KDM4C: variants seen among roughly 807,000 people sequenced by gnomAD.
KDM4C encodes the protein lysine demethylase 4C, also known as lysine-specific demethylase 4C.
KDM4C carries 81 observed loss-of-function variants against 129.3 expected under a neutral mutation model. That is an observed-to-expected ratio of 0.63 (90% CI 0.52 to 0.75). The LOEUF (loss-of-function observed/expected upper bound fraction) is 0.75. Ranked by LOEUF, KDM4C falls within the 30% of genes least tolerant of loss-of-function variation. The probability of loss-of-function intolerance (pLI) is 0.00; values close to 1 mark genes in which losing one functional copy is unlikely to be tolerated. For missense variants in KDM4C, 1,457 were observed against 1,304.0 expected (o/e 1.12, Z -1.81); for synonymous variants, 573 against 456.1 (o/e 1.26, Z -3.26).
At chr9:7,136,886 G>A (rs1257281215) in intron 19 of KDM4C, among the ~76,000 whole-genome samples, 1 of 152,160 alleles carries the variant, frequency 6.6e-6, no homozygotes, top group African/African-American at 2.4e-5. Context: ...AGTTCATGAA[G>A]TTTCATGTCC....
intron 18 of KDM4C, among the ~76,000 whole-genome samples, chr9:7,110,735 A>G (rs1026747298): frequency 1.3e-5 from 2 of 152,232 alleles, no homozygotes; most frequent in African/African-American, 4.8e-5. Flanking sequence ...CCTATTGAAG[A>G]AGGGATGAAA....
intron 1 of KDM4C, among the ~76,000 whole-genome samples, chr9:6,748,042 G>T (rs186192331): frequency 1.3e-5 from 2 of 152,052 alleles, no homozygotes; most frequent in African/African-American, 4.8e-5. Context: ...GCTGAGTGTG[G>T]TGGCATGCGC....
chr9:6,751,678 A>G (rs763828230), intron 1 of KDM4C, among the ~76,000 whole-genome samples: 1 of 152,166 alleles, frequency 6.6e-6, no homozygotes, highest in Non-Finnish European at 1.5e-5. Flanking sequence ...TGAGATCTCA[A>G]TTATGCATAA....
rs1832779056 is a variant in KDM4C at position 7,068,695 on chromosome 9, T to A, written c.2424+19495T>A. Among the ~76,000 whole-genome samples the A allele has an allele frequency of 1.1e-4, 10 of 88,482 alleles. No individual in the cohort carries two copies. In the Admixed American group the frequency reaches 1.2e-3, roughly 10 times the overall value. 58.0% of individuals were successfully genotyped at this position (88,482 alleles called of 152,430 possible). On this transcript the variant is annotated intron_variant, in intron 17 of 21. Transcript: ENST00000381309. ...GTTTATGATGCCCTTTCTTTTTTTTTTTTTTTTTTTTTTTTTTTGAAACAG... is the reference window on the plus strand; with the variant it reads ...GTTTATGATGCCCTTTCTTTTTTTTATTTTTTTTTTTTTTTTTTGAAACAG...
intron 1 of KDM4C, among the ~76,000 whole-genome samples, chr9:6,722,168 A>G (rs1032968741): frequency 2.6e-5 from 4 of 152,182 alleles, no homozygotes; most frequent in Admixed American, 1.3e-4. Flanking sequence ...TAAGGTCACG[A>G]AGCCTTTTTG....
At chr9:6,768,440 GTCT>G (rs1365468522) in intron 1 of KDM4C, among the ~76,000 whole-genome samples, 3 of 151,278 alleles carry the variant, frequency 2.0e-5, no homozygotes, top group African/African-American at 7.3e-5. Flanking sequence ...ACAAATGGTT[GTCT>G]TCATGCTCCC....
intron 12 of KDM4C, among the ~76,000 whole-genome samples, chr9:7,005,709 A>AGT (rs1176949806): frequency 6.6e-6 from 1 of 152,186 alleles, no homozygotes; most frequent in African/African-American, 2.4e-5. Flanking sequence ...CATGTCCTGA[A>AGT]GTACTAGGTT....
chr9:6,801,579 A>G (rs1440773306), intron 2 of KDM4C, among the ~76,000 whole-genome samples: 1 of 151,342 alleles, frequency 6.6e-6, no homozygotes, highest in Non-Finnish European at 1.5e-5. Context: ...GGCAAGTTAC[A>G]GGATAAGAGA....
At chr9:6,802,724 A>G (rs1829239103) in intron 2 of KDM4C, among the ~76,000 whole-genome samples, 1 of 152,188 alleles carries the variant, frequency 6.6e-6, no homozygotes, top group African/African-American at 2.4e-5. Flanking sequence ...CACCTGCCTC[A>G]GCCTCCGGAG....
At chr9:6,739,271 C>G (rs1223414561) in intron 1 of KDM4C, among the ~76,000 whole-genome samples, 1 of 151,952 alleles carries the variant, frequency 6.6e-6, no homozygotes, top group African/African-American at 2.4e-5. Context: ...TGGGGTTTCA[C>G]CATGTTGGCC....
chr9:6,948,872 A>G (rs1037954247), intron 8 of KDM4C, among the ~76,000 whole-genome samples: 11 of 152,142 alleles, frequency 7.2e-5, no homozygotes, highest in Admixed American at 6.5e-5. Flanking sequence ...GGAGTCTCCT[A>G]TGTCTACTTC....
intron 19 of KDM4C, among the ~76,000 whole-genome samples, chr9:7,145,109 C>T (rs1056099870): frequency 5.3e-5 from 8 of 152,116 alleles, no homozygotes; most frequent in Non-Finnish European, 8.8e-5. Flanking sequence ...GCCTCCTCCT[C>T]GGGTGTTGAT....
intron 1 of KDM4C, among the ~76,000 whole-genome samples, chr9:6,738,385 G>A (rs1817593262): frequency 1.3e-5 from 2 of 152,154 alleles, no homozygotes; most frequent in Admixed American, 6.6e-5. Context: ...TGAGGCAGGA[G>A]AATCGCTTGA....
chr9:7,087,244 T>A (rs1587552715), intron 17 of KDM4C, among the ~76,000 whole-genome samples: 1 of 150,246 alleles, frequency 6.7e-6, no homozygotes, highest in Non-Finnish European at 1.5e-5. Context: ...ACAAAACCCC[T>A]CAAATCCCAT....
intron 4 of KDM4C, among the ~76,000 whole-genome samples, chr9:6,842,312 CTTTTTTTT>C (rs759138371): frequency 7.2e-5 from 7 of 97,874 alleles, no homozygotes; most frequent in Non-Finnish European, 1.4e-4. Context: ...ATCCACATTT[CTTTTTTTT>C]TTTTTTTTTT....
In KDM4C at chr9:7,103,883, C is replaced by T. The variant is rs760758201; in HGVS notation, c.2610+13C>T. On this transcript the variant is annotated intron_variant, in intron 18 of 21. Coordinates refer to ENST00000381309, the MANE Select transcript of KDM4C (RefSeq NM_015061.6). ...CAACCCCAACGTGGTAAGATGTGCC[C>T]TCCCTTCCTCAGTGCTAAGACCGTG... is the stretch of plus-strand genomic sequence containing the variant. The T allele has an allele frequency of 1.9e-6, 3 of 1,612,050 alleles. No homozygotes were observed. Among genetic ancestry groups the T allele is most frequent in the Non-Finnish European group, 1.7e-6 (2 of 1,178,386 alleles).
intron 17 of KDM4C, among the ~76,000 whole-genome samples, chr9:7,101,348 C>G (rs902839519): frequency 6.6e-6 from 1 of 152,040 alleles, no homozygotes; most frequent in Non-Finnish European, 1.5e-5. Context: ...GGAAAAAAAA[C>G]CATTTTAGCA....
At chr9:7,079,784 C>A (rs999693588) in intron 17 of KDM4C, among the ~76,000 whole-genome samples, 1 of 152,156 alleles carries the variant, frequency 6.6e-6, no homozygotes, top group Non-Finnish European at 1.5e-5. Flanking sequence ...TAAATGAAGA[C>A]TTTCCTAGAA....
At chr9:7,042,085 G>C (rs146672806) in intron 15 of KDM4C, among the ~76,000 whole-genome samples, 1 of 151,978 alleles carries the variant, frequency 6.6e-6, no homozygotes, top group Admixed American at 6.6e-5. Context: ...TTAATCTTGT[G>C]CATGTTTAAC....
Sources: allele counts gnomAD v4.1 joint callset (sites outside exome capture counted in the v4.1 genomes callset), GRCh38; gene constraint gnomAD v4.1.1; transcripts MANE v1.5; gene names NCBI Gene and HGNC (gene_info 2026-07-23, HGNC 2026-07-21).